The following ACTN4 variants were observed in gnomAD, a reference collection of about 807,000 sequenced individuals.
The protein encoded by ACTN4 is actinin alpha 4.
ACTN4 carries 18 observed loss-of-function variants against 114.2 expected under a neutral mutation model. The ratio of observed to expected loss-of-function variants is 0.16; its 90% confidence interval spans 0.11 to 0.23. The LOEUF (loss-of-function observed/expected upper bound fraction) is 0.23. Ranked by LOEUF, ACTN4 falls within the 10% of genes least tolerant of loss-of-function variation. The probability of loss-of-function intolerance (pLI) is 1.00; values close to 1 mark genes in which losing one functional copy is unlikely to be tolerated. For missense variants in ACTN4, 722 were observed against 1,262.9 expected (o/e 0.57, Z 6.49); for synonymous variants, 515 against 506.3 (o/e 1.02, Z -0.23).
intron 9 of ACTN4, among the ~76,000 whole-genome samples, chr19:38,716,814 A>G (rs953157722): frequency 1.3e-5 from 2 of 152,240 alleles, no homozygotes; most frequent in African/African-American, 4.8e-5. Flanking sequence ...ACAAAGCGTG[A>G]ACCTGTCTTT....
intron 1 of ACTN4, among the ~76,000 whole-genome samples, chr19:38,669,670 T>C (rs1402560397): frequency 6.6e-6 from 1 of 152,158 alleles, no homozygotes; most frequent in Non-Finnish European, 1.5e-5. Context: ...GCCACATTTT[T>C]GTGGTAACTG....
intron 1 of ACTN4, among the ~76,000 whole-genome samples, chr19:38,686,137 G>A (rs1967734953): frequency 6.6e-6 from 1 of 152,170 alleles, no homozygotes; most frequent in African/African-American, 2.4e-5. Flanking sequence ...TGTAGCACTT[G>A]CCTAAATAAC....
chr19:38,718,090 G>GC lies in ACTN4; in HGVS notation c.1291+20dup. ...TGGACTGACGGTACGGCCCAGCTCT[G>GC]CCCCACTCTGCCCAGCCCCGCTCCC... On this transcript the variant is annotated intron_variant, in intron 11 of 20. Transcript: ENST00000252699. 6.3e-7 allele frequency: 1 copy of GC among 1,595,424 alleles called. No individual in the cohort carries two copies.
At position 38,729,590 on chromosome 19, in the gene ACTN4, C is replaced by T. The variant is rs1158740213; in HGVS notation, c.*158C>T. On this transcript the variant is annotated 3_prime_UTR_variant, in exon 21 of 21. Coordinates refer to ENST00000252699, the MANE Select transcript of ACTN4 (RefSeq NM_004924.6). The stretch of plus-strand genomic sequence containing the variant: ...GAGGGGCTGGGGCAGGCTCTCTCCT[C>T]TCTCTCTTTGTGGGTTGGCCAGGAG... 11 of 1,072,664 alleles carry T rather than the reference C, an allele frequency of 1.0e-5. No homozygotes were observed. The highest frequency in any genetic ancestry group is 1.4e-5 in the Non-Finnish European group (10 of 724,432). The allele number at this position is 1,072,664 out of a possible 1,614,324, so 66.4% of individuals were successfully genotyped here. A position where few individuals can be genotyped will look rare whatever the true frequency, so the allele number is the denominator to read the frequency against.
At chr19:38,696,606 G>A (rs1370228060) in intron 1 of ACTN4, among the ~76,000 whole-genome samples, 1 of 152,230 alleles carries the variant, frequency 6.6e-6, no homozygotes, top group East Asian at 1.9e-4. Flanking sequence ...TGGCCGTCAT[G>A]GTCGACCTGT....
chr19:38,716,055 C>T (rs1320143493), intron 9 of ACTN4, among the ~76,000 whole-genome samples: 1 of 152,170 alleles, frequency 6.6e-6, no homozygotes, highest in Non-Finnish European at 1.5e-5. Context: ...GCGCGCACCA[C>T]CACGCCCAGC....
At chr19:38,714,670 G>A in intron 9 of ACTN4, 109 bp downstream of exon 9, 1 of 1,145,416 alleles carries the variant, frequency 8.7e-7, no homozygotes, top group South Asian at 1.3e-5. Flanking sequence ...ACCTAGAAAA[G>A]GCTGCGTGGT....
At position 38,647,919 on chromosome 19, in the gene ACTN4, G is replaced by A. The variant is rs767127428; in HGVS notation, c.162+12G>A. Reference sequence around the variant, plus strand: ...AGCAGCAGCGCAAGGTGCGCGGCCCGCGGGCCGGACGGGCTGGAGGGGCTT... The same window carrying A: ...AGCAGCAGCGCAAGGTGCGCGGCCCACGGGCCGGACGGGCTGGAGGGGCTT... On this transcript the variant is annotated intron_variant, in intron 1 of 20. Coordinates refer to ENST00000252699, the MANE Select transcript of ACTN4 (RefSeq NM_004924.6). 10 of 1,485,158 alleles carry A rather than the reference G, an allele frequency of 6.7e-6. No individual in the cohort carries two copies. The East Asian group carries it at 2.2e-4, about 33-fold the overall frequency. The allele number at this position is 1,485,158 out of a possible 1,614,324, so 92.0% of individuals were successfully genotyped here.
At chr19:38,696,629 C>T (rs1322648025) in intron 1 of ACTN4, among the ~76,000 whole-genome samples, 3 of 152,228 alleles carry the variant, frequency 2.0e-5, no homozygotes, top group Non-Finnish European at 4.4e-5. Flanking sequence ...CCAAGGGTGG[C>T]CTTGTGAGTG....
At chr19:38,681,467 C>T (rs965942933) in intron 1 of ACTN4, among the ~76,000 whole-genome samples, 3 of 152,190 alleles carry the variant, frequency 2.0e-5, no homozygotes, top group Admixed American at 6.5e-5. Context: ...CTTCTGGCCC[C>T]GGCTGACACC....
chr19:38,682,673 C>A (rs1479088044), intron 1 of ACTN4, among the ~76,000 whole-genome samples: 1 of 152,194 alleles, frequency 6.6e-6, no homozygotes, highest in African/African-American at 2.4e-5. Context: ...GTGCTCCTCC[C>A]CCATGAGGCC....
chr19:38,647,785 G>A lies in ACTN4; in HGVS notation c.40G>A (p.Gly14Ser), dbSNP rs1466830263. The change falls in exon 1 of 21, where the codon GGC (glycine) becomes AGC (serine). Residue 14 changes from glycine to serine, a missense_variant. Physicochemically the swap from Gly to Ser is moderately conservative, Grantham distance 56. Coordinates refer to ENST00000252699, the MANE Select transcript of ACTN4 (RefSeq NM_004924.6). ...CGCGGCGAACCAGTCGTACCAGTAC[G>A]GCCCCAGCAGCGCGGGCAATGGCGC... The part of the protein sequence containing the change: ...YHAANQSYQY[G>S]PSSAGNGAGG... 3.9e-6 allele frequency: 6 copies of A among 1,554,652 alleles called. No individual in the cohort carries two copies. The highest frequency in any genetic ancestry group is 5.2e-6 in the Non-Finnish European group (6 of 1,152,026).
chr19:38,705,638 C>T (rs1051827718), intron 4 of ACTN4, among the ~76,000 whole-genome samples: 4 of 152,210 alleles, frequency 2.6e-5, no homozygotes, highest in Admixed American at 2.0e-4. Context: ...GGCCTCTCTA[C>T]AGCTGGTATT....
chr19:38,696,356 C>T (rs1010859288), intron 1 of ACTN4, among the ~76,000 whole-genome samples: 1 of 151,952 alleles, frequency 6.6e-6, no homozygotes, highest in African/African-American at 2.4e-5. Flanking sequence ...ATCATGAGGT[C>T]GGCTGCCCAC....
chr19:38,664,006 G>A (rs993445878), intron 1 of ACTN4, among the ~76,000 whole-genome samples: 2 of 152,216 alleles, frequency 1.3e-5, no homozygotes, highest in Non-Finnish European at 2.9e-5. Flanking sequence ...CAGCCCCTCA[G>A]GGCGTGTGGT....
At chr19:38,650,204 G>A (rs1976517969) in intron 1 of ACTN4, among the ~76,000 whole-genome samples, 1 of 152,096 alleles carries the variant, frequency 6.6e-6, no homozygotes, top group African/African-American at 2.4e-5. Context: ...TAAGGGTGGG[G>A]GGACCTTCCT....
At chr19:38,679,568 C>CGTGTGCGTGT (rs1555827863) in intron 1 of ACTN4, among the ~76,000 whole-genome samples, 2 of 145,420 alleles carry the variant, frequency 1.4e-5, no homozygotes, top group African/African-American at 5.1e-5. Flanking sequence ...TTTGGGTGTG[C>CGTGTGCGTGT]GTGTGTGTGT....
chr19:38,678,180 G>A (rs963723185), intron 1 of ACTN4, among the ~76,000 whole-genome samples: 1 of 152,232 alleles, frequency 6.6e-6, no homozygotes, highest in Non-Finnish European at 1.5e-5. Flanking sequence ...GGGACACAGA[G>A]GTGAGTAAGA....
chr19:38,670,273 TG>T (rs1204587875), intron 1 of ACTN4, among the ~76,000 whole-genome samples: 1 of 151,962 alleles, frequency 6.6e-6, no homozygotes, highest in Non-Finnish European at 1.5e-5. Context: ...AAGAGCATGG[TG>T]GGGTGGAGGT....
Sources: gnomAD v4.1 joint callset for allele counts (sites outside exome capture counted in the v4.1 genomes callset) on GRCh38, gnomAD v4.1.1 for gene constraint, MANE v1.5 for transcripts, NCBI Gene and HGNC (gene_info 2026-07-23, HGNC 2026-07-21) for gene names.